The following DOCK3 variants were observed in gnomAD, a reference collection of about 807,000 sequenced individuals.
DOCK3 encodes dedicator of cytokinesis 3, also known as dedicator of cytokinesis protein 3.
Under a neutral mutation model 265.6 loss-of-function variants are expected in DOCK3, and 60 were observed. That is an observed-to-expected ratio of 0.23 (90% CI 0.18 to 0.28). The LOEUF (loss-of-function observed/expected upper bound fraction) is 0.28. DOCK3 is among the 10% of genes least tolerant of loss of function. DOCK3 has a pLI of 1.00. For missense variants in DOCK3, 1,981 were observed against 2,594.3 expected (o/e 0.76, Z 5.14); for synonymous variants, 881 against 938.0 (o/e 0.94, Z 1.11).
chr3:51,255,336 T>C (rs748317608), intron 22 of DOCK3, among the ~76,000 whole-genome samples: 7 of 152,182 alleles, frequency 4.6e-5, no homozygotes, highest in Non-Finnish European at 8.8e-5. Context: ...AATCTGACAG[T>C]TATGTGTCTT....
At position 50,835,241 on chromosome 3, in the gene DOCK3, G is replaced by A. The variant is rs147478584; in HGVS notation, c.122-6434G>A. On this transcript the variant is annotated intron_variant, in intron 2 of 52. Coordinates refer to ENST00000266037, the MANE Select transcript of DOCK3 (RefSeq NM_004947.5). ...ACCTCACATTCACATGCCTTTTTATGATCTTTTACCAAATCACCTGTCACT... is the reference window on the plus strand; with the variant it reads ...ACCTCACATTCACATGCCTTTTTATAATCTTTTACCAAATCACCTGTCACT... Among the ~76,000 whole-genome samples the A allele has an allele frequency of 2.6e-5, 4 of 152,174 alleles. No homozygotes were observed. The East Asian group carries it at 7.7e-4, about 29-fold the overall frequency.
intron 1 of DOCK3, among the ~76,000 whole-genome samples, chr3:50,706,328 AC>A (rs1316378729): frequency 1.3e-5 from 2 of 152,164 alleles, no homozygotes; most frequent in African/African-American, 2.4e-5. Flanking sequence ...TCTGGGAAAG[AC>A]TTTTATTTCT....
intron 4 of DOCK3, among the ~76,000 whole-genome samples, chr3:50,928,144 T>C (rs2050866260): frequency 6.7e-6 from 1 of 149,394 alleles, no homozygotes; most frequent in Non-Finnish European, 1.5e-5. Context: ...TATATATATA[T>C]ATATATATAT....
At chr3:51,258,891 C>T (rs1305041180) in intron 22 of DOCK3, among the ~76,000 whole-genome samples, 1 of 152,188 alleles carries the variant, frequency 6.6e-6, no homozygotes, top group Non-Finnish European at 1.5e-5. Flanking sequence ...ATACCTCCTA[C>T]TTCAGTGACT....
chr3:50,787,715 T>C (rs11914310), intron 2 of DOCK3: 242 of 1,272,356 alleles, frequency 1.9e-4, no homozygotes, highest in Non-Finnish European at 2.6e-4. Flanking sequence ...GCTCTCCTCA[T>C]TCTTCTTTCT....
At chr3:50,788,583 T>C (rs1487174914) in intron 2 of DOCK3, among the ~76,000 whole-genome samples, 3 of 152,228 alleles carry the variant, frequency 2.0e-5, no homozygotes, top group Non-Finnish European at 4.4e-5. Context: ...TTGGCAGTCC[T>C]TCCCTGCAGT....
At chr3:50,982,518 C>T (rs1228194047) in intron 5 of DOCK3, among the ~76,000 whole-genome samples, 2 of 152,078 alleles carry the variant, frequency 1.3e-5, no homozygotes, top group Non-Finnish European at 2.9e-5. Flanking sequence ...GCCTCATGTC[C>T]CCAAGGCAGC....
chr3:50,767,699 T>C (rs1368490366), intron 1 of DOCK3, among the ~76,000 whole-genome samples: 1 of 152,172 alleles, frequency 6.6e-6, no homozygotes, highest in South Asian at 2.1e-4. Flanking sequence ...AATCTATAAA[T>C]TACCTTGGGC....
intron 12 of DOCK3, among the ~76,000 whole-genome samples, chr3:51,167,618 A>AT (rs1188502722): frequency 2.0e-5 from 3 of 151,808 alleles, no homozygotes; most frequent in East Asian, 3.9e-4. Context: ...GTCTTTTTCA[A>AT]TTTCTTTCAT....
chr3:51,185,612 G>A (rs1190661346), intron 12 of DOCK3, among the ~76,000 whole-genome samples: 1 of 152,090 alleles, frequency 6.6e-6, no homozygotes, highest in East Asian at 1.9e-4. Flanking sequence ...AACTGATATG[G>A]CTTGGCTCTG....
At chr3:51,174,095 A>G (rs1364384955) in intron 12 of DOCK3, among the ~76,000 whole-genome samples, 3 of 152,058 alleles carry the variant, frequency 2.0e-5, no homozygotes, top group Non-Finnish European at 4.4e-5. Flanking sequence ...GAATTTTTCA[A>G]TTCTATCATT....
intron 5 of DOCK3, among the ~76,000 whole-genome samples, chr3:51,015,429 T>C (rs887307039): frequency 6.6e-6 from 1 of 151,832 alleles, no homozygotes; most frequent in Non-Finnish European, 1.5e-5. Context: ...ATTTAGCACA[T>C]TGATTGATTT....
At chr3:50,770,142 T>C (rs578168638) in intron 1 of DOCK3, among the ~76,000 whole-genome samples, 1 of 152,206 alleles carries the variant, frequency 6.6e-6, no homozygotes, top group Non-Finnish European at 1.5e-5. Flanking sequence ...GGCATCCCTG[T>C]TGGAAAGGGA....
chr3:50,696,400 G>A (rs142842430), intron 1 of DOCK3, among the ~76,000 whole-genome samples: 3 of 152,328 alleles, frequency 2.0e-5, no homozygotes, highest in African/African-American at 7.2e-5. Flanking sequence ...GATGCACATC[G>A]AGTTCACAAA....
intron 12 of DOCK3, among the ~76,000 whole-genome samples, chr3:51,177,337 C>G (rs150901085): frequency 2.0e-5 from 3 of 152,274 alleles, no homozygotes; most frequent in African/African-American, 7.2e-5. Context: ...TCTTTATGAT[C>G]AGCATTTAGT....
intron 1 of DOCK3, among the ~76,000 whole-genome samples, chr3:50,703,933 A>G (rs922540403): frequency 1.3e-5 from 2 of 151,606 alleles, no homozygotes; most frequent in Non-Finnish European, 2.9e-5. Flanking sequence ...CTTTTTCCTT[A>G]GCTTTGCTTT....
chr3:50,810,459 G>C (rs746290578), intron 2 of DOCK3, among the ~76,000 whole-genome samples: 8 of 152,036 alleles, frequency 5.3e-5, no homozygotes, highest in Non-Finnish European at 1.0e-4. Context: ...GCTAGGGCAG[G>C]AGAATCACTT....
At chr3:50,994,360 A>G (rs1418834771) in intron 5 of DOCK3, among the ~76,000 whole-genome samples, 1 of 152,190 alleles carries the variant, frequency 6.6e-6, no homozygotes, top group African/African-American at 2.4e-5. Flanking sequence ...TGAGATAAGT[A>G]TTGTTAGTAT....
At chr3:50,947,019 CA>C (rs2108282672) in intron 5 of DOCK3, among the ~76,000 whole-genome samples, 1 of 152,122 alleles carries the variant, frequency 6.6e-6, no homozygotes, top group Admixed American at 6.5e-5. Context: ...ATAAAAAAAC[CA>C]AACACAAACC....
Sources: allele counts gnomAD v4.1 joint callset (sites outside exome capture counted in the v4.1 genomes callset), GRCh38; gene constraint gnomAD v4.1.1; transcripts MANE v1.5; gene names NCBI Gene and HGNC (gene_info 2026-07-23, HGNC 2026-07-21).